Variants in C10orf71 observed in about 807,000 individuals in gnomAD.
C10orf71 encodes the protein chromosome 10 open reading frame 71.
For synonymous variants in C10orf71, 758 were observed against 726.3 expected (o/e 1.04, Z -0.70); for missense variants, 1,869 against 1,804.5 (o/e 1.04, Z -0.65).
rs2132431206 is a variant in C10orf71, at chr10:49,322,868, G to A, written c.323G>A (p.Gly108Glu). 1 of 1,613,958 alleles carries A rather than the reference G, an allele frequency of 6.2e-7. No individual in the cohort carries two copies. Among genetic ancestry groups the A allele is most frequent in the East Asian group, 2.2e-5 (1 of 44,864 alleles). The change falls in exon 3 of 3, where the codon GGA (glycine) becomes GAA (glutamate). Residue 108 changes from glycine to glutamate, a missense_variant. Gly to Glu is a moderately conservative substitution (Grantham distance 98, BLOSUM62 -2). Coordinates refer to ENST00000374144, the MANE Select transcript of C10orf71 (RefSeq NM_001135196.2). ...TFQQLPKYVQ[G>E]EEKYPKTSPP... Reference sequence around the variant, plus strand: ...CAACAGCTACCCAAGTACGTTCAGGGAGAGGAAAAGTACCCCAAAACCAGC... The same window carrying A: ...CAACAGCTACCCAAGTACGTTCAGGAAGAGGAAAAGTACCCCAAAACCAGC...
chr10:49,313,282 G>T (rs1263095030), intron 1 of C10orf71, among the ~76,000 whole-genome samples: 2 of 152,160 alleles, frequency 1.3e-5, no homozygotes, highest in African/African-American at 2.4e-5. Flanking sequence ...TGAAAGGATG[G>T]AAGTAAAAAA....
In C10orf71 at chr10:49,324,961, AGT is replaced by A; in HGVS notation, c.2421_2422del (p.Ser808TrpfsTer13). On this transcript the variant is annotated frameshift_variant, in exon 3 of 3. Coordinates refer to ENST00000374144, the MANE Select transcript of C10orf71 (RefSeq NM_001135196.2). LOFTEE classifies it low-confidence loss of function (END_TRUNC). ...QGEALQRERESVSGGRTRKAS... is the reference protein window; with the variant it reads ...QGEALQREREXVSGGRTRKAS... ...GGAAGCATTGCAAAGAGAAAGGGAA[AGT>A]GTGTCTGGAGGAAGAACCAGGAAGG... The A allele has an allele frequency of 6.4e-7, 1 of 1,550,988 alleles. No homozygotes were observed. Among genetic ancestry groups the A allele is most frequent in the South Asian group, 1.2e-5 (1 of 83,972 alleles).
In C10orf71 at chr10:49,322,608, G is replaced by A. The variant is rs1849114766; in HGVS notation, c.63G>A (p.Val21=). Residue 21 remains valine (V), a synonymous_variant, in exon 3 of 3, where the codon GTG becomes GTA. Coordinates refer to ENST00000374144, the MANE Select transcript of C10orf71 (RefSeq NM_001135196.2). ...GCGACTCCTCCAGCATCGGCAGCGT[G>A]TTGGATGATGCAGACAGGGAGGTGA... The part of the protein sequence containing the change: ...AFSDSSSIGS[V]LDDADREVSS... 2 of 1,612,944 alleles carry A rather than the reference G, an allele frequency of 1.2e-6. No individual in the cohort carries two copies.
intron 1 of C10orf71, among the ~76,000 whole-genome samples, chr10:49,305,404 T>C (rs538289514): frequency 1.1e-4 from 17 of 152,312 alleles, no homozygotes; most frequent in African/African-American, 4.1e-4. Flanking sequence ...CACACGTTTC[T>C]CCTCTGTAAA....
chr10:49,325,451 G>C lies in C10orf71; in HGVS notation c.2906G>C (p.Arg969Pro). ...ATGCCTCTGGTGGGAGAGGGGGACC[G>C]GGTGAAGGCACCACCAGATGCTGCA... ...PSMPLVGEGD[R>P]VKAPPDAAPG... The change falls in exon 3 of 3, where the codon CGG becomes CCG. Residue 969 changes from arginine (R) to proline (P), a missense_variant. Physicochemically the swap from Arg to Pro is moderately radical, Grantham distance 103. Transcript: ENST00000374144. 1 of 1,550,092 alleles carries C rather than the reference G, an allele frequency of 6.5e-7. No individual in the cohort carries two copies. Among genetic ancestry groups the C allele is most frequent in the Non-Finnish European group, 8.7e-7 (1 of 1,145,770 alleles).
chr10:49,304,516 C>T (rs1029234581), intron 1 of C10orf71, among the ~76,000 whole-genome samples: 25 of 152,246 alleles, frequency 1.6e-4, no homozygotes, highest in African/African-American at 6.0e-4. Flanking sequence ...CATTTGGTGA[C>T]AGCTCTTCCA....
Position 49,324,465 on chromosome 10 carries a change from C to T in C10orf71, c.1920C>T (p.Arg640=), listed in dbSNP as rs755096828. 6.2e-7 allele frequency: 1 copy of T among 1,607,324 alleles called. No individual in the cohort carries two copies. Among genetic ancestry groups the T allele is most frequent in the Non-Finnish European group, 8.5e-7 (1 of 1,176,574 alleles). The change falls in exon 3 of 3, where the codon CGC becomes CGT. Residue 640 remains arginine (R), a synonymous_variant. Transcript: ENST00000374144. ...SSWCPDSREH[R]PRKHLSLRLC... ...GGTGTCCAGACTCCAGGGAACACCG[C>T]CCCAGGAAACACCTCTCCCTGAGGC...
At chr10:49,299,760 G>A (rs938743140) in intron 1 of C10orf71, among the ~76,000 whole-genome samples, 2 of 152,222 alleles carry the variant, frequency 1.3e-5, no homozygotes, top group Non-Finnish European at 2.9e-5. Context: ...AGGCCACTGC[G>A]CTGTCAAATG....
chr10:49,310,306 C>T (rs10857465), intron 1 of C10orf71, among the ~76,000 whole-genome samples: 60,241 of 152,054 alleles, frequency 0.4, 12,588 homozygotes, highest in Non-Finnish European at 0.47. Flanking sequence ...ATGAAACCCT[C>T]GTTTTCTCCC....
chr10:49,297,608 G>A (rs1370294406), upstream of C10orf71, among the ~76,000 whole-genome samples: 1 of 152,174 alleles, frequency 6.6e-6, no homozygotes, highest in African/African-American at 2.4e-5. Flanking sequence ...TCATGTACAT[G>A]AGCTCCCCTG....
intron 1 of C10orf71, among the ~76,000 whole-genome samples, chr10:49,312,222 A>T (rs1564685468): frequency 6.6e-6 from 1 of 152,202 alleles, no homozygotes; most frequent in African/African-American, 2.4e-5. Flanking sequence ...ACATATTCAC[A>T]GTGGGCATGG....
In C10orf71 at chr10:49,326,550, C is replaced by T; in HGVS notation, c.4005C>T (p.Tyr1335=). ...PDALAAPYVL[Y]PGFQPVPVTA... is the part of the protein sequence containing the mutation. ...CCCTGGCCGCTCCCTATGTGCTGTA[C>T]CCCGGCTTCCAGCCAGTGCCCGTGA... The change falls in exon 3 of 3, where the codon TAC becomes TAT. Residue 1335 remains tyrosine, a synonymous_variant. Transcript: ENST00000374144. 1 of 1,550,588 alleles carries T rather than the reference C, an allele frequency of 6.4e-7. No homozygotes were observed. Among genetic ancestry groups the T allele is most frequent in the Non-Finnish European group, 8.7e-7 (1 of 1,146,866 alleles).
At chr10:49,313,197 C>A (rs1264737900) in intron 1 of C10orf71, among the ~76,000 whole-genome samples, 4 of 152,078 alleles carry the variant, frequency 2.6e-5, no homozygotes, top group Non-Finnish European at 5.9e-5. Context: ...CTTGGAATAG[C>A]CTGAAGAAGC....
chr10:49,304,209 G>A (rs963610342), intron 1 of C10orf71, among the ~76,000 whole-genome samples: 4 of 152,182 alleles, frequency 2.6e-5, no homozygotes, highest in East Asian at 3.9e-4. Context: ...CCCACTCCTC[G>A]CCCTGCACAA....
intron 2 of C10orf71, among the ~76,000 whole-genome samples, chr10:49,318,910 G>C (rs1849043702): frequency 6.6e-6 from 1 of 152,220 alleles, no homozygotes. Context: ...CAGGATCTGG[G>C]GCTTCTGACA....
intron 1 of C10orf71, among the ~76,000 whole-genome samples, chr10:49,307,394 C>G (rs181691421): frequency 6.6e-6 from 1 of 152,376 alleles, no homozygotes; most frequent in East Asian, 1.9e-4. Flanking sequence ...GTGGAAGGGA[C>G]TGTCCAGAGA....
At chr10:49,303,404 C>T (rs61848575) in intron 1 of C10orf71, among the ~76,000 whole-genome samples, 3,634 of 152,262 alleles carry the variant, frequency 0.024, 63 homozygotes, top group Non-Finnish European at 0.035. Context: ...GCATCAGACC[C>T]GAGTGGCCCA....
In C10orf71 at chr10:49,326,277, C is replaced by T. The variant is rs981554655; in HGVS notation, c.3732C>T (p.Arg1244=). 1 of 1,550,256 alleles carries T rather than the reference C, an allele frequency of 6.5e-7. No individual in the cohort carries two copies. The highest frequency in any genetic ancestry group is 8.7e-7 in the Non-Finnish European group (1 of 1,146,774). The change falls in exon 3 of 3, where the codon CGC becomes CGT. Residue 1244 remains arginine, a synonymous_variant. Coordinates refer to ENST00000374144, the MANE Select transcript of C10orf71 (RefSeq NM_001135196.2). The stretch of plus-strand genomic sequence containing the variant: ...GTTCCCTGCCCCCTCCCGTGCACCG[C>T]CACTCCGTGTCCGGCTTCTCGGAGC... ...VVRSLPPPVH[R]HSVSGFSEPV...
intron 2 of C10orf71, among the ~76,000 whole-genome samples, chr10:49,317,923 T>C (rs1317202204): frequency 6.6e-6 from 1 of 152,068 alleles, no homozygotes; most frequent in African/African-American, 2.4e-5. Flanking sequence ...AGAGGGAAGA[T>C]GATGTGAAGA....
Sources: gnomAD v4.1 joint callset for allele counts (sites outside exome capture counted in the v4.1 genomes callset) on GRCh38, gnomAD v4.1.1 for gene constraint, MANE v1.5 for transcripts, NCBI Gene and HGNC (gene_info 2026-07-23, HGNC 2026-07-21) for gene names.